Variants in KPNA6 observed in about 807,000 individuals in gnomAD.
The protein encoded by KPNA6 is karyopherin subunit alpha 6.
A neutral mutation model predicts 72.0 loss-of-function variants in KPNA6; 9 were observed. The ratio of observed to expected loss-of-function variants is 0.13; its 90% confidence interval spans 0.08 to 0.22. The LOEUF is 0.22. KPNA6 is among the 10% of genes least tolerant of loss of function. The pLI is 1.00. For missense variants in KPNA6, 374 were observed against 655.7 expected (o/e 0.57, Z 4.69); for synonymous variants, 219 against 242.1 (o/e 0.90, Z 0.89).
chr1:32,125,486 A>G (rs1315410819), intron 1 of KPNA6, among the ~76,000 whole-genome samples: 1 of 152,200 alleles, frequency 6.6e-6, no homozygotes, highest in Non-Finnish European at 1.5e-5. Flanking sequence ...ATCAAGAGAA[A>G]GTTCCCCAGT....
At chr1:32,145,320 T>C (rs918644659) in intron 1 of KPNA6, among the ~76,000 whole-genome samples, 8 of 150,960 alleles carry the variant, frequency 5.3e-5, no homozygotes, top group African/African-American at 1.9e-4. Flanking sequence ...TGGTTTTGAT[T>C]TGTATTTCTT....
In KPNA6 at chr1:32,166,113, T is replaced by C. The variant is rs201430785; in HGVS notation, c.999T>C (p.Leu333=). 1,163 of 1,611,950 alleles carry C rather than the reference T, an allele frequency of 7.2e-4. 20 individuals are homozygous for C. In the South Asian group the frequency reaches 0.012, roughly 16 times the overall value. Residue 333 remains leucine (L), a synonymous_variant, in exon 11 of 14, where the codon CTT becomes CTC. Coordinates refer to ENST00000373625, the MANE Select transcript of KPNA6 (RefSeq NM_012316.5). The part of the protein sequence containing the change: ...TGDDIQTQVI[L]NCSALPCLLH... ...TGCTTTTGGTGTTCTAGGTCATTCTTAACTGTTCAGCCCTACCTTGCCTTC... is the reference window on the plus strand; with the variant it reads ...TGCTTTTGGTGTTCTAGGTCATTCTCAACTGTTCAGCCCTACCTTGCCTTC...
chr1:32,118,233 G>C (rs1463671309), intron 1 of KPNA6, among the ~76,000 whole-genome samples: 1 of 151,948 alleles, frequency 6.6e-6, no homozygotes, highest in Non-Finnish European at 1.5e-5. Flanking sequence ...CATCTCACCT[G>C]TTTTTCAAGA....
chr1:32,148,570 C>CTTTT (rs1354307948), intron 1 of KPNA6, among the ~76,000 whole-genome samples: 1 of 117,612 alleles, frequency 8.5e-6, no homozygotes, highest in Non-Finnish European at 1.8e-5. Flanking sequence ...TTTTTTTTTT[C>CTTTT]TTTTTTTTTT....
At chr1:32,157,076 G>T in intron 3 of KPNA6, 131 bp downstream of exon 3, 2 of 664,080 alleles carry the variant, frequency 3.0e-6, no homozygotes, top group Non-Finnish European at 2.6e-6. Flanking sequence ...GGACCCTTTC[G>T]TCAGCTTTAG....
At chr1:32,140,149 C>G (rs1480353171) in intron 1 of KPNA6, among the ~76,000 whole-genome samples, 1 of 152,104 alleles carries the variant, frequency 6.6e-6, no homozygotes, top group Non-Finnish European at 1.5e-5. Context: ...CTTTGGGAGG[C>G]CGAGGCAGGC....
chr1:32,142,205 G>C (rs1641850042), intron 1 of KPNA6, among the ~76,000 whole-genome samples: 1 of 142,172 alleles, frequency 7.0e-6, no homozygotes, highest in Non-Finnish European at 1.5e-5. Context: ...GCAGGGAGCT[G>C]AGATTGTGTC....
chr1:32,116,081 T>G (rs1458914453), intron 1 of KPNA6, among the ~76,000 whole-genome samples: 1 of 152,162 alleles, frequency 6.6e-6, no homozygotes, highest in Non-Finnish European at 1.5e-5. Flanking sequence ...AGAGCCTGGC[T>G]CTGGATTAGG....
chr1:32,142,752 G>A (rs1296272740), intron 1 of KPNA6, among the ~76,000 whole-genome samples: 1 of 152,224 alleles, frequency 6.6e-6, no homozygotes, highest in African/African-American at 2.4e-5. Flanking sequence ...TTCATCCACA[G>A]CAAGTAAGGG....
At chr1:32,157,533 C>T in intron 4 of KPNA6, 88 bp downstream of exon 4, 1 of 889,348 alleles carries the variant, frequency 1.1e-6, no homozygotes, top group African/African-American at 1.7e-5. Context: ...CGTGCCCTCA[C>T]TCATTCTGCT....
At chr1:32,155,776 G>C (rs950648687) in intron 2 of KPNA6, among the ~76,000 whole-genome samples, 1 of 151,526 alleles carries the variant, frequency 6.6e-6, no homozygotes, top group Non-Finnish European at 1.5e-5. Flanking sequence ...ACCCAGGCTG[G>C]AGTGCAGTGA....
chr1:32,165,725 C>T (rs1259374106), intron 10 of KPNA6, among the ~76,000 whole-genome samples: 1 of 151,976 alleles, frequency 6.6e-6, no homozygotes, highest in Non-Finnish European at 1.5e-5. Context: ...AAGCCGGGCA[C>T]AGTGGCTCAC....
intron 1 of KPNA6, among the ~76,000 whole-genome samples, chr1:32,121,156 G>A (rs1473575122): frequency 1.3e-5 from 2 of 152,160 alleles, no homozygotes; most frequent in Non-Finnish European, 1.5e-5. Context: ...ACAAGCGTAA[G>A]CTACTGCTCC....
intron 1 of KPNA6, among the ~76,000 whole-genome samples, chr1:32,152,846 A>AAAAAAT (rs1397499568): frequency 1.3e-5 from 2 of 151,366 alleles, no homozygotes; most frequent in African/African-American, 4.9e-5. Context: ...CTCTGTCTAA[A>AAAAAAT]AAAAATAAAA....
intron 1 of KPNA6, among the ~76,000 whole-genome samples, chr1:32,123,393 T>C (rs1440913407): frequency 6.6e-6 from 1 of 152,166 alleles, no homozygotes; most frequent in Non-Finnish European, 1.5e-5. Flanking sequence ...ATGTCTGTGC[T>C]TTATACATAA....
chr1:32,141,375 C>CTTTTTTTTTTTTTTTTTTTTTTTTTT (rs71006334), intron 1 of KPNA6, among the ~76,000 whole-genome samples: 1 of 54,478 alleles, frequency 1.8e-5, no homozygotes, highest in Non-Finnish European at 4.0e-5. Flanking sequence ...TAAGTTAATC[C>CTTTTTTTTTTTTTTTTTTTTTTTTTT]TTTTTTTTTT....
At chr1:32,164,377 G>A (rs775239469) in intron 10 of KPNA6, among the ~76,000 whole-genome samples, 2 of 152,044 alleles carry the variant, frequency 1.3e-5, no homozygotes, top group Non-Finnish European at 2.9e-5. Context: ...ATTTGTTCAA[G>A]TCCCCGGTAT....
rs114967060 is a variant in KPNA6 at position 32,136,917 on chromosome 1, G to A, written c.5-17671G>A. 3.1e-3 allele frequency among the ~76,000 whole-genome samples: 479 copies of A among 152,280 alleles called. 1 individual carries two copies. The highest frequency in any genetic ancestry group is 0.011 in the African/African-American group (443 of 41,562). ...GACCCTAAAGCCTTAGGTATTATTC[G>A]TTCTTGAAGCCAAGTTTCAGAAATA... On this transcript the variant is annotated intron_variant, in intron 1 of 13. Transcript: ENST00000373625.
chr1:32,128,426 TACAC>T (rs1230804875), intron 1 of KPNA6, among the ~76,000 whole-genome samples: 10 of 99,162 alleles, frequency 1.0e-4, no homozygotes, highest in African/African-American at 3.0e-4. Flanking sequence ...TATATATATA[TACAC>T]ACACACACAC....
Sources: gnomAD v4.1 joint callset for allele counts (sites outside exome capture counted in the v4.1 genomes callset) on GRCh38, gnomAD v4.1.1 for gene constraint, MANE v1.5 for transcripts, NCBI Gene and HGNC (gene_info 2026-07-23, HGNC 2026-07-21) for gene names.